RYR1: variants seen among roughly 807,000 people sequenced by gnomAD.
RYR1 encodes the protein central core disease of muscle.
RYR1 carries 342 observed loss-of-function variants against 583.5 expected under a neutral mutation model. That is an observed-to-expected ratio of 0.59 (90% CI 0.54 to 0.64). RYR1 has a LOEUF of 0.64. RYR1 is among the 30% of genes least tolerant of loss of function. The pLI is 0.00. For missense variants in RYR1, 6,032 were observed against 6,917.2 expected (o/e 0.87, Z 4.54); for synonymous variants, 2,791 against 2,822.5 (o/e 0.99, Z 0.35).
chr19:38,452,809 G>T lies in RYR1; in HGVS notation c.1245-10G>T. ...CCCAGCCGTGGCTGACAGCTGCGAG[G>T]TCCCTGTAGGAGCCTGGACAGCTTC... On this transcript the variant is annotated splice_polypyrimidine_tract_variant and intron_variant, in intron 12 of 105. Coordinates refer to ENST00000359596, the MANE Select transcript of RYR1 (RefSeq NM_000540.3). 6.3e-7 allele frequency: 1 copy of T among 1,575,570 alleles called. No individual in the cohort carries two copies.
At chr19:38,575,234 G>A (rs534130967) in intron 96 of RYR1, among the ~76,000 whole-genome samples, 4 of 152,268 alleles carry the variant, frequency 2.6e-5, no homozygotes, top group Admixed American at 1.3e-4. Flanking sequence ...CCATCACCAC[G>A]CCAGAGCCTC....
intron 73 of RYR1, 129 bp from the exon 74 acceptor site, chr19:38,528,177 A>C (rs1971561872): frequency 1.3e-6 from 1 of 786,712 alleles, no homozygotes; most frequent in Admixed American, 2.0e-5. Context: ...GGTGGAGACA[A>C]GGTTTTCCTT....
chr19:38,439,651 C>T (rs867308582), intron 1 of RYR1, among the ~76,000 whole-genome samples: 27 of 151,984 alleles, frequency 1.8e-4, no homozygotes, highest in African/African-American at 4.8e-4. Flanking sequence ...GAACTACAGG[C>T]GTGCACCACC....
At position 38,500,731 on chromosome 19, in the gene RYR1, A is replaced by G. The variant is rs775251569; in HGVS notation, c.7444+5A>G. 1.9e-6 allele frequency: 3 copies of G among 1,614,144 alleles called. No individual in the cohort carries two copies. The highest frequency in any genetic ancestry group is 1.7e-4 in the Middle Eastern group (1 of 6,060). On this transcript the variant is annotated splice_donor_5th_base_variant and intron_variant, in intron 46 of 105. Coordinates refer to ENST00000359596, the MANE Select transcript of RYR1 (RefSeq NM_000540.3). This position sits in a 1 kb window ranked among gnomAD's most constrained non-coding sequence, Gnocchi z 5.9. ...AGATTCCCACCCTGGGCAAAGGTGCAGAGGGGATGGAACTTGGCGAAGGAG... is the reference window on the plus strand; with the variant it reads ...AGATTCCCACCCTGGGCAAAGGTGCGGAGGGGATGGAACTTGGCGAAGGAG...
intron 31 of RYR1, among the ~76,000 whole-genome samples, chr19:38,481,551 T>A (rs1969011699): frequency 6.6e-6 from 1 of 152,156 alleles, no homozygotes; most frequent in African/African-American, 2.4e-5. Flanking sequence ...AATGTATTTG[T>A]TGAAGGAACC....
intron 38 of RYR1, among the ~76,000 whole-genome samples, chr19:38,492,995 G>T (rs1281346829): frequency 1.3e-5 from 2 of 152,142 alleles, no homozygotes; most frequent in African/African-American, 4.8e-5. Context: ...CTTGAATGCA[G>T]GAGGTGGGGG....
At chr19:38,516,590 C>A (rs1970982536) in intron 65 of RYR1, among the ~76,000 whole-genome samples, 1 of 152,046 alleles carries the variant, frequency 6.6e-6, no homozygotes, top group Non-Finnish European at 1.5e-5. Context: ...CATAGCAAAA[C>A]CCCATCCATG....
At chr19:38,494,299 T>C (rs1269820569) in intron 38 of RYR1, 53 bp from the exon 39 acceptor site, 13 of 1,608,902 alleles carry the variant, frequency 8.1e-6, no homozygotes, top group Non-Finnish European at 1.1e-5. Context: ...CAAGGCCCCA[T>C]GTGCCGACCT....
chr19:38,513,515 G>A (rs912104532), intron 63 of RYR1, among the ~76,000 whole-genome samples: 1 of 152,092 alleles, frequency 6.6e-6, no homozygotes, highest in South Asian at 2.1e-4. Flanking sequence ...CACCTGGATA[G>A]GGTTCTTCTC....
chr19:38,462,570 A>G (rs73930588), intron 20 of RYR1, among the ~76,000 whole-genome samples: 1 of 151,938 alleles, frequency 6.6e-6, no homozygotes, highest in Non-Finnish European at 1.5e-5. Flanking sequence ...GAACGCCAAC[A>G]CCGCTACTGT....
chr19:38,463,044 G>A (rs957284733), intron 20 of RYR1, among the ~76,000 whole-genome samples: 4 of 145,790 alleles, frequency 2.7e-5, no homozygotes, highest in Admixed American at 1.4e-4. Context: ...CTACAGGTGC[G>A]CACCACCACA....
At chr19:38,467,970 TCATCCATCCATC>T in intron 25 of RYR1, 158 bp downstream of exon 25, 2 of 675,760 alleles carry the variant, frequency 3.0e-6, no homozygotes, top group South Asian at 3.5e-5. Flanking sequence ...AACCAATGAT[TCATCCATCCATC>T]CATCCATCGA....
At position 38,512,128 on chromosome 19, in the gene RYR1, G is replaced by A. The variant is rs779729932; in HGVS notation, c.9229G>A (p.Ala3077Thr). The A allele has an allele frequency of 6.2e-7, 1 of 1,614,184 alleles. No homozygotes were observed. Among genetic ancestry groups the A allele is most frequent in the Non-Finnish European group, 8.5e-7 (1 of 1,180,034 alleles). ...CLHILARSLD[A>T]RTVMKSGPEI... Reference sequence around the variant, plus strand: ...TCACATCCTGGCCCGCTCCCTGGATGCCAGGTAGGGCCATAGGCAGTGGCG... The same window carrying A: ...TCACATCCTGGCCCGCTCCCTGGATACCAGGTAGGGCCATAGGCAGTGGCG... Residue 3077 changes from alanine (A) to threonine (T), a missense_variant, in exon 62 of 106, where the codon GCC becomes ACC. This residue lies in a region of RYR1 where 1,493 missense variants were observed against 1,715.5 expected (regional missense o/e 0.87). Coordinates refer to ENST00000359596, the MANE Select transcript of RYR1 (RefSeq NM_000540.3). The surrounding 1 kb of genome is among the most constrained non-coding windows in gnomAD (Gnocchi z 5.1).
Position 38,517,607 on chromosome 19 carries a change from C to A in RYR1, c.9934C>A (p.Leu3312Ile). The A allele has an allele frequency of 2.5e-6, 4 of 1,614,230 alleles. No individual in the cohort carries two copies. In the East Asian group the frequency reaches 8.9e-5, roughly 36 times the overall value. The change falls in exon 66 of 106, where the codon CTC becomes ATC. Residue 3312 changes from leucine to isoleucine, a missense_variant. Coordinates refer to ENST00000359596, the MANE Select transcript of RYR1 (RefSeq NM_000540.3). Reference protein sequence around the residue: ...PPCTAVTSDHLNSLLGNILRI... With the variant: ...PPCTAVTSDHINSLLGNILRI... ...CTGCACAGCTGTCACCTCTGACCAC[C>A]TCAACTCCCTGCTGGGGAATATCCT...
chr19:38,509,403 A>G (rs1421671733), intron 58 of RYR1, among the ~76,000 whole-genome samples: 1 of 151,894 alleles, frequency 6.6e-6, no homozygotes, highest in Non-Finnish European at 1.5e-5. Context: ...TGCCAAGGAC[A>G]TAGCAAGTGT....
At position 38,549,906 on chromosome 19, in the gene RYR1, TG is replaced by T. The variant is rs1972593804; in HGVS notation, c.12282+1487del. Among the ~76,000 whole-genome samples, 7 of 144,548 alleles carry T rather than the reference TG, an allele frequency of 4.8e-5. No individual in the cohort carries two copies. The Admixed American group carries it at 4.9e-4, about 10-fold the overall frequency. The allele number at this position is 144,548 out of a possible 152,430, so 94.8% of individuals were successfully genotyped here. A position where few individuals can be genotyped will look rare whatever the true frequency, so the allele number is the denominator to read the frequency against. Reference sequence around the variant, plus strand: ...GTGTGTGTGTGTGTGTGTGTGTGTGTGTGTGTGTGTGTGTGTGTGTTGTATT... The same window carrying T: ...GTGTGTGTGTGTGTGTGTGTGTGTGTTGTGTGTGTGTGTGTGTGTTGTATT... On this transcript the variant is annotated intron_variant, in intron 89 of 105. Coordinates refer to ENST00000359596, the MANE Select transcript of RYR1 (RefSeq NM_000540.3).
Position 38,499,819 on chromosome 19 carries a change from G to A in RYR1, c.7212G>A (p.Glu2404=), listed in dbSNP as rs1970022233. Residue 2404 remains glutamate (E), a splice_region_variant and synonymous_variant, in exon 44 of 106, where the codon GAG becomes GAA. Transcript: ENST00000359596. This position sits in a 1 kb window ranked among gnomAD's most constrained non-coding sequence, Gnocchi z 7.3. ...GCATCCGCAGGGACCGGCGGCGCGAGCAGTGAGTCTCCCGGCCCCCTCCTC... is the reference window on the plus strand; with the variant it reads ...GCATCCGCAGGGACCGGCGGCGCGAACAGTGAGTCTCCCGGCCCCCTCCTC... ...GPGIRRDRRR[E]HFGEEPPEEN... 6.2e-7 allele frequency: 1 copy of A among 1,607,322 alleles called. No homozygotes were observed.
chr19:38,443,418 G>A lies in RYR1; in HGVS notation c.271-140G>A. ...GAGGCAGAGAGTCCTGCAGGAGTCTGAGCTGAGGCTGTTTTACCTCTAGGC... is the reference window on the plus strand; with the variant it reads ...GAGGCAGAGAGTCCTGCAGGAGTCTAAGCTGAGGCTGTTTTACCTCTAGGC... On this transcript the variant is annotated intron_variant, in intron 3 of 105. Transcript: ENST00000359596. 7 of 739,586 alleles carry A rather than the reference G, an allele frequency of 9.5e-6. No homozygotes were observed. In the South Asian group the frequency reaches 1.1e-4, roughly 12 times the overall value. The allele number at this position is 739,586 out of a possible 1,614,324, so 45.8% of individuals were successfully genotyped here.
chr19:38,509,450 A>ATT (rs534650223), intron 58 of RYR1, among the ~76,000 whole-genome samples: 27 of 104,370 alleles, frequency 2.6e-4, no homozygotes, highest in South Asian at 1.2e-3. Context: ...TATTATTATT[A>ATT]TTTTTTTTTT....
Sources: gnomAD v4.1 joint callset for allele counts (sites outside exome capture counted in the v4.1 genomes callset) on GRCh38, gnomAD v4.1.1 for gene constraint, gnomAD v4.1.1 regional missense constraint, Gnocchi (gnomAD v3.1) non-coding constraint, MANE v1.5 for transcripts, NCBI Gene and HGNC (gene_info 2026-07-23, HGNC 2026-07-21) for gene names.